Variants in SLC14A2 observed in about 807,000 individuals in gnomAD.
SLC14A2 encodes the protein solute carrier family 14 member 2.
Under a neutral mutation model 104.6 loss-of-function variants are expected in SLC14A2, and 91 were observed. That is an observed-to-expected ratio of 0.87 (90% CI 0.73 to 1.04). The LOEUF (loss-of-function observed/expected upper bound fraction) is 1.04, where lower values mean the gene tolerates loss of function less well. Among genes scored for constraint, SLC14A2 ranks in the 50% least tolerant of loss-of-function variants. The pLI, the probability that SLC14A2 is intolerant of heterozygous loss-of-function variation, is 0.00. For missense variants in SLC14A2, 1,189 were observed against 1,156.0 expected, an observed-to-expected ratio of 1.03 and a Z score of -0.41; for synonymous variants, 476 against 466.4, an observed-to-expected ratio of 1.02 and a Z score of -0.27.
intron 1 of SLC14A2, among the ~76,000 whole-genome samples, chr18:45,304,629 G>T (rs1308470054): frequency 6.6e-6 from 1 of 152,210 alleles, no homozygotes; most frequent in African/African-American, 2.4e-5. Context: ...ATTGGGAAGG[G>T]AGTGATCATT....
At chr18:45,170,382 G>C in the SLC14A2 span, among the ~76,000 whole-genome samples, 1 of 152,022 alleles carries the variant, frequency 6.6e-6, no homozygotes, top group South Asian at 2.1e-4. Context: ...GACTCAAAAG[G>C]GAAAAAATAG....
intron 1 of SLC14A2, among the ~76,000 whole-genome samples, chr18:45,279,555 A>G (rs2084740063): frequency 6.6e-6 from 1 of 152,180 alleles, no homozygotes; most frequent in African/African-American, 2.4e-5. Context: ...GTGGGGACAC[A>G]GAGTGTGTAG....
At chr18:45,326,685 T>C (rs2085237683) in intron 1 of SLC14A2, among the ~76,000 whole-genome samples, 1 of 152,218 alleles carries the variant, frequency 6.6e-6, no homozygotes, top group Non-Finnish European at 1.5e-5. Context: ...GTCCTTGTGC[T>C]TCCTGCACCC....
At chr18:45,326,486 T>C (rs1213766990) in intron 1 of SLC14A2, among the ~76,000 whole-genome samples, 2 of 152,186 alleles carry the variant, frequency 1.3e-5, no homozygotes, top group Non-Finnish European at 2.9e-5. Flanking sequence ...ATATAAATTA[T>C]ATTGAGGAGA....
chr18:45,451,620 C>T (rs1288295454), intron 1 of SLC14A2, among the ~76,000 whole-genome samples: 1 of 152,062 alleles, frequency 6.6e-6, no homozygotes, highest in African/African-American at 2.4e-5. Context: ...TAAATTGAGG[C>T]TAATAAGCTC....
chr18:45,625,693 C>A lies in SLC14A2; in HGVS notation c.161C>A (p.Ser54Tyr). 6.5e-7 allele frequency: 1 copy of A among 1,549,128 alleles called. No individual in the cohort carries two copies. The highest frequency in any genetic ancestry group is 1.3e-5 in the South Asian group (1 of 78,752). ...LEMPEEKDLR[S>Y]SNEDSHIVKI... Reference sequence around the variant, plus strand: ...GGTTTCTCCTAAAAGGATCTCCGGTCTTCCAATGAAGACAGTCACATTGTG... The same window carrying A: ...GGTTTCTCCTAAAAGGATCTCCGGTATTCCAATGAAGACAGTCACATTGTG... Residue 54 changes from serine to tyrosine, a missense_variant, in exon 3 of 20, where the codon TCT becomes TAT. Physicochemically the swap from Ser to Tyr is moderately radical, Grantham distance 144. Coordinates refer to ENST00000255226, the MANE Select transcript of SLC14A2 (RefSeq NM_007163.4).
chr18:45,464,157 G>T (rs2087097004), intron 1 of SLC14A2, among the ~76,000 whole-genome samples: 1 of 152,182 alleles, frequency 6.6e-6, no homozygotes, highest in Non-Finnish European at 1.5e-5. Context: ...GAAGTAGTGG[G>T]GTGAAGAGTA....
Position 45,291,673 on chromosome 18 carries a change from G to A in SLC14A2, c.-125+78482G>A, listed in dbSNP as rs945698272. 3.9e-5 allele frequency among the ~76,000 whole-genome samples: 6 copies of A among 152,144 alleles called. No homozygotes were observed. In the East Asian group the frequency reaches 5.8e-4, roughly 15 times the overall value. ...ATAAAGTAGTGGTTGAACACCACTC[G>A]TTGGCATGTTAGGGATCTTCCCGTC... On this transcript the variant is annotated intron_variant, in intron 1 of 20. Transcript: ENST00000586448.
At chr18:45,410,113 C>T (rs2086198318) in intron 1 of SLC14A2, among the ~76,000 whole-genome samples, 1 of 152,126 alleles carries the variant, frequency 6.6e-6, no homozygotes, top group African/African-American at 2.4e-5. Flanking sequence ...AGGGCTCACG[C>T]TCCTATGAGA....
At chr18:45,651,442 C>T (rs560230899) in intron 10 of SLC14A2, among the ~76,000 whole-genome samples, 2 of 152,268 alleles carry the variant, frequency 1.3e-5, no homozygotes, top group East Asian at 1.9e-4. Flanking sequence ...TGGGAGAAGT[C>T]AACTTGTTCA....
the SLC14A2 span, among the ~76,000 whole-genome samples, chr18:45,182,979 TG>T: frequency 3.3e-5 from 5 of 152,220 alleles, no homozygotes; most frequent in African/African-American, 1.2e-4. Context: ...AGTACCGTAT[TG>T]GTGCTAGACT....
chr18:45,418,850 A>G (rs1298531633), intron 1 of SLC14A2, among the ~76,000 whole-genome samples: 2 of 152,176 alleles, frequency 1.3e-5, no homozygotes, highest in Non-Finnish European at 2.9e-5. Flanking sequence ...TGAGGAAAAA[A>G]AAGGCATCTC....
At chr18:45,649,704 G>A (rs906245893) in intron 10 of SLC14A2, among the ~76,000 whole-genome samples, 4 of 152,170 alleles carry the variant, frequency 2.6e-5, no homozygotes, top group African/African-American at 7.2e-5. Flanking sequence ...CCTGGCAGAC[G>A]GCGACATTTT....
At chr18:45,517,544 C>T (rs916030430) in intron 2 of SLC14A2, among the ~76,000 whole-genome samples, 26 of 152,186 alleles carry the variant, frequency 1.7e-4, no homozygotes, top group African/African-American at 5.5e-4. Context: ...TGGCATTAAA[C>T]CTCAGGCTGG....
intron 1 of SLC14A2, among the ~76,000 whole-genome samples, chr18:45,441,880 G>A (rs1361989065): frequency 6.6e-6 from 1 of 152,176 alleles, no homozygotes; most frequent in African/African-American, 2.4e-5. Flanking sequence ...ATTTTCTAAT[G>A]TCATCCCTTG....
intron 1 of SLC14A2, among the ~76,000 whole-genome samples, chr18:45,282,860 T>C (rs1485268097): frequency 6.6e-6 from 1 of 152,258 alleles, no homozygotes; most frequent in Non-Finnish European, 1.5e-5. Flanking sequence ...CCTTCTTTCC[T>C]TGTATCTTTC....
chr18:45,455,064 G>A (rs2086919845), intron 1 of SLC14A2, among the ~76,000 whole-genome samples: 1 of 152,120 alleles, frequency 6.6e-6, no homozygotes. Flanking sequence ...GCTTAATGGG[G>A]ATAGAATTGA....
chr18:45,386,622 C>T (rs2014869), intron 1 of SLC14A2, among the ~76,000 whole-genome samples: 19,106 of 152,182 alleles, frequency 0.13, 2,024 homozygotes, highest in African/African-American at 0.28. Flanking sequence ...TAACACATAG[C>T]GCAGACTCCT....
intron 1 of SLC14A2, among the ~76,000 whole-genome samples, chr18:45,618,920 A>T (rs562340788): frequency 5.3e-5 from 8 of 152,292 alleles, no homozygotes; most frequent in African/African-American, 1.9e-4. Context: ...GTGTTTCTGC[A>T]ATTCTACTGG....
Sources: gnomAD v4.1 joint callset for allele counts (sites outside exome capture counted in the v4.1 genomes callset) on GRCh38, gnomAD v4.1.1 for gene constraint, MANE v1.5 for transcripts, NCBI Gene and HGNC (gene_info 2026-07-23, HGNC 2026-07-21) for gene names.